Variants in RGS11 observed in about 807,000 individuals in gnomAD.
RGS11 encodes regulator of G protein signaling 11, also known as regulator of G-protein signaling 11.
RGS11 carries 86 observed loss-of-function variants against 71.1 expected under a neutral mutation model. The ratio of observed to expected loss-of-function variants is 1.21; its 90% CI spans 1.02 to 1.45. RGS11 has a LOEUF of 1.45. RGS11 is among the 40% of genes most tolerant of loss of function. The pLI is 0.00. For synonymous variants in RGS11, 298 were observed against 254.2 expected (o/e 1.17, Z -1.64); for missense variants, 734 against 635.1 (o/e 1.16, Z -1.67).
Position 274,105 on chromosome 16 carries a change from G to T in RGS11, c.371-4C>A. On this transcript the variant is annotated splice_region_variant and splice_polypyrimidine_tract_variant and intron_variant, in intron 5 of 16. Coordinates refer to ENST00000397770, the MANE Select transcript of RGS11 (RefSeq NM_183337.3). ...TTCTTCTTGGCCAGGTAGATGGCTG[G>T]AAGAACAGGGACAGCCTGCAGAGGG... 1 of 1,553,956 alleles carries T rather than the reference G, an allele frequency of 6.4e-7. No homozygotes were observed. Among genetic ancestry groups the T allele is most frequent in the South Asian group, 1.2e-5 (1 of 84,548 alleles).
chr16:272,863 C>T lies in RGS11; in HGVS notation c.657G>A (p.Met219Ile), dbSNP rs779013057. The T allele has an allele frequency of 2.6e-6, 4 of 1,542,538 alleles. No homozygotes were observed. In the East Asian group the frequency reaches 7.3e-5, roughly 28 times the overall value. ...GGCCAGCACGCACGCAGGGGCTCAC[C>T]ATGAGCACACGGCTGGCAGCGCAGG... The part of the protein sequence containing the change: ...RGSCAASRVL[M>I]TKSADFHKRE... Residue 219 changes from methionine to isoleucine, a missense_variant and splice_region_variant, in exon 9 of 17, where the codon ATG becomes ATA. Met to Ile is a conservative substitution (Grantham distance 10). Coordinates refer to ENST00000397770, the MANE Select transcript of RGS11 (RefSeq NM_183337.3).
At position 271,398 on chromosome 16, in the gene RGS11, C is replaced by A; in HGVS notation, c.749+1G>T. ...CAGCTGCCACCCCTCACCCCACTCA[C>A]GCCTCAAGGCAGACGGAGGACTTCA... On this transcript the variant is annotated splice_donor_variant, in intron 11 of 16. Transcript: ENST00000397770. LOFTEE classifies it high-confidence loss of function. 7 of 1,613,654 alleles carry A rather than the reference C, an allele frequency of 4.3e-6. No individual in the cohort carries two copies. The highest frequency in any genetic ancestry group is 5.9e-6 in the Non-Finnish European group (7 of 1,180,002).
intron 9 of RGS11, 168 bp downstream of exon 9, chr16:272,695 C>G (rs1235081892): frequency 1.5e-5 from 22 of 1,472,152 alleles, no homozygotes; most frequent in Non-Finnish European, 2.7e-6. Flanking sequence ...TTAGCAGGGG[C>G]CTGGGGAACA....
rs376088131 is a variant in RGS11, at chr16:274,209, C to T, written c.370+5G>A. 10 of 1,609,410 alleles carry T rather than the reference C, an allele frequency of 6.2e-6. No homozygotes were observed. The Admixed American group carries it at 1.0e-4, about 16-fold the overall frequency. ...TTGTCTGGGGCCAGCCGTCCCCTTGCTCACCATAGTCCAGCTCTGCAGCCG... is the reference window on the plus strand; with the variant it reads ...TTGTCTGGGGCCAGCCGTCCCCTTGTTCACCATAGTCCAGCTCTGCAGCCG... On this transcript the variant is annotated splice_donor_5th_base_variant and intron_variant, in intron 5 of 16. Transcript: ENST00000397770.
Position 275,009 on chromosome 16 carries a change from C to T in RGS11, c.285G>A (p.Met95Ile). Residue 95 changes from methionine to isoleucine, a missense_variant, in exon 4 of 17, where the codon ATG (methionine) becomes ATA (isoleucine). By Grantham distance (10) the Met-to-Ile change is conservative. Coordinates refer to ENST00000397770, the MANE Select transcript of RGS11 (RefSeq NM_183337.3). ...TGTAGGGCGTCTCGTCTGGCCGGAG[C>T]ATGAGGCTACGGGGGTCGCGCAGCG... is the stretch of plus-strand genomic sequence containing the variant. ...IYPLRDPRSL[M>I]LRPDETPYRF... The T allele has an allele frequency of 6.5e-7, 1 of 1,532,462 alleles. No individual in the cohort carries two copies. Among genetic ancestry groups the T allele is most frequent in the South Asian group, 1.3e-5 (1 of 79,836 alleles). 94.9% of individuals were successfully genotyped at this position (1,532,462 alleles called of 1,614,324 possible).
Position 275,409 on chromosome 16 carries a change from C to A in RGS11, c.153G>T (p.Ala51=). ...QRLLVTVIPH[A]VTGSDVVQWL... ...CGCCCCGGCGCGCCTCACCTGTCAC[C>A]GCGTGGGGAATGACGGTGACCAGCA... Residue 51 remains alanine, a synonymous_variant, in exon 2 of 17, where the codon GCG becomes GCT. Coordinates refer to ENST00000397770, the MANE Select transcript of RGS11 (RefSeq NM_183337.3). 6.2e-7 allele frequency: 1 copy of A among 1,606,360 alleles called. No homozygotes were observed. Among genetic ancestry groups the A allele is most frequent in the Non-Finnish European group, 8.5e-7 (1 of 1,179,234 alleles).
intron 4 of RGS11, chr16:274,579 G>A: frequency 5.0e-6 from 3 of 594,522 alleles, no homozygotes; most frequent in Non-Finnish European, 9.2e-6. Context: ...TGCCTGGGGA[G>A]GGGTACAACC....
chr16:270,992 T>G lies in RGS11; in HGVS notation c.971A>C (p.Glu324Ala). 2 of 1,611,256 alleles carry G rather than the reference T, an allele frequency of 1.2e-6. No individual in the cohort carries two copies. The highest frequency in any genetic ancestry group is 1.7e-6 in the Non-Finnish European group (2 of 1,178,968). Residue 324 changes from glutamate to alanine, a missense_variant, in exon 13 of 17, where the codon GAG (glutamate) becomes GCG (alanine). Transcript: ENST00000397770. ...RAHFMDFLGK[E>A]FSGENLSFWE... is the part of the protein sequence containing the mutation. ...GGCTGGGGGGTTCTCACCACTGAAC[T>G]CCTTTCCCAGAAAGTCCATGAAGTG...
intron 9 of RGS11, chr16:272,223 C>A (rs963715119): frequency 2.5e-6 from 3 of 1,187,496 alleles, no homozygotes; most frequent in Middle Eastern, 2.4e-4. Flanking sequence ...CACTGGGGAA[C>A]CAGGTGTGAC....
Position 273,184 on chromosome 16 carries a change from C to A in RGS11, c.589-253G>T, listed in dbSNP as rs577116452. Among the ~76,000 whole-genome samples, 8 of 152,328 alleles carry A rather than the reference C, an allele frequency of 5.3e-5. No homozygotes were observed. The East Asian group carries it at 1.4e-3, about 26-fold the overall frequency. On this transcript the variant is annotated intron_variant, in intron 8 of 16. Coordinates refer to ENST00000397770, the MANE Select transcript of RGS11 (RefSeq NM_183337.3). ...CCCACTGCAGCCAAGGCCGCCCCCACTCTGCCTGCTCCCGAGGCAGAGTCT... is the reference window on the plus strand; with the variant it reads ...CCCACTGCAGCCAAGGCCGCCCCCAATCTGCCTGCTCCCGAGGCAGAGTCT...
In RGS11 at chr16:273,905, G is replaced by A. The variant is rs1004398544; in HGVS notation, c.430-69C>T. 19 of 1,514,734 alleles carry A rather than the reference G, an allele frequency of 1.3e-5. No homozygotes were observed. In the Admixed American group the frequency reaches 3.2e-4, roughly 25 times the overall value. The allele number at this position is 1,514,734 out of a possible 1,614,324, so 93.8% of individuals were successfully genotyped here. ...CCCAGTGAGACTGTGTGGGCAGTTG[G>A]GGGGTTGGGGACTGTCTTGGGTTTT... On this transcript the variant is annotated intron_variant, in intron 6 of 16. Transcript: ENST00000397770.
chr16:273,365 G>T, intron 8 of RGS11, 110 bp downstream of exon 8: 1 of 821,618 alleles, frequency 1.2e-6, no homozygotes, highest in Non-Finnish European at 1.9e-6. Context: ...GGAGCTCCAA[G>T]GCAGGTCCTT....
In RGS11 at chr16:274,198, C is replaced by T; in HGVS notation, c.370+16G>A. 1.9e-6 allele frequency: 3 copies of T among 1,606,562 alleles called. No individual in the cohort carries two copies. Among genetic ancestry groups the T allele is most frequent in the South Asian group, 2.2e-5 (2 of 89,660 alleles). ...GTCCTGGGAACTTGTCTGGGGCCAGCCGTCCCCTTGCTCACCATAGTCCAG... is the reference window on the plus strand; with the variant it reads ...GTCCTGGGAACTTGTCTGGGGCCAGTCGTCCCCTTGCTCACCATAGTCCAG... On this transcript the variant is annotated intron_variant, in intron 5 of 16. Transcript: ENST00000397770.
chr16:270,658 C>T lies in RGS11; in HGVS notation c.1071G>A (p.Gln357=). The change falls in exon 15 of 17, where the codon CAG becomes CAA. Residue 357 remains glutamine (Q), a synonymous_variant. Transcript: ENST00000397770. ...AGTGGGCAGCTCCGGGGGCCAGGAA[C>T]TGCCTAGGGGTGGGGACAGCACTGG... The part of the protein sequence containing the change: ...VPTLVDAVYE[Q]FLAPGAAHWV... The T allele has an allele frequency of 6.2e-7, 1 of 1,610,160 alleles. No individual in the cohort carries two copies. The highest frequency in any genetic ancestry group is 1.1e-5 in the South Asian group (1 of 90,484).
chr16:270,389 C>T, intron 15 of RGS11, 134 bp downstream of exon 15: 1 of 1,106,194 alleles, frequency 9.0e-7, no homozygotes, highest in Non-Finnish European at 1.3e-6. Flanking sequence ...CGGCCCCAAC[C>T]AGGTGGGGAA....
Position 275,019 on chromosome 16 carries a change from C to T in RGS11, c.275G>A (p.Arg92His), listed in dbSNP as rs368215786. 2.0e-6 allele frequency: 3 copies of T among 1,518,000 alleles called. No individual in the cohort carries two copies. The highest frequency in any genetic ancestry group is 2.4e-5 in the East Asian group (1 of 41,508). The allele number at this position is 1,518,000 out of a possible 1,614,324, so 94.0% of individuals were successfully genotyped here. The change falls in exon 4 of 17, where the codon CGT becomes CAT. Residue 92 changes from arginine to histidine, a missense_variant. By Grantham distance (29) the Arg-to-His change is conservative. Coordinates refer to ENST00000397770, the MANE Select transcript of RGS11 (RefSeq NM_183337.3). ...CTCGTCTGGCCGGAGCATGAGGCTA[C>T]GGGGGTCGCGCAGCGGGTAGATGTA... is the stretch of plus-strand genomic sequence containing the variant. ...HGYIYPLRDP[R>H]SLMLRPDETP...
chr16:271,597 A>T (rs779268887), intron 9 of RGS11, 28 bp from the exon 10 acceptor site: 2 of 1,611,564 alleles, frequency 1.2e-6, no homozygotes, highest in African/African-American at 2.7e-5. Flanking sequence ...GGCTGCAGTT[A>T]GATGCAGGTC....
intron 15 of RGS11, chr16:269,921 TA>T (rs59094788): frequency 8.1e-6 from 2 of 245,436 alleles, no homozygotes; most frequent in Non-Finnish European, 1.6e-5. Flanking sequence ...TGGAGTCAAA[TA>T]AAAAAACAAG....
In RGS11 at chr16:274,031, G is replaced by A; in HGVS notation, c.429+12C>T. On this transcript the variant is annotated intron_variant, in intron 6 of 16. Transcript: ENST00000397770. ...TGTACCCAGCCGGGGCGGGAAGGGT[G>A]GGGGGTCCCACCTTCTCATAATCCA... is the stretch of plus-strand genomic sequence containing the variant. 1.4e-6 allele frequency: 2 copies of A among 1,481,394 alleles called. No individual in the cohort carries two copies. The highest frequency in any genetic ancestry group is 1.8e-6 in the Non-Finnish European group (2 of 1,126,190). The allele number at this position is 1,481,394 out of a possible 1,614,324, so 91.8% of individuals were successfully genotyped here. A position where few individuals can be genotyped will look rare whatever the true frequency, so the allele number is the denominator to read the frequency against.
Sources: allele counts gnomAD v4.1 joint callset (sites outside exome capture counted in the v4.1 genomes callset), GRCh38; gene constraint gnomAD v4.1.1; transcripts MANE v1.5; gene names NCBI Gene and HGNC (gene_info 2026-07-23, HGNC 2026-07-21).